Variants in WWOX observed in about 807,000 individuals in gnomAD.
WWOX encodes the protein WW domain-containing oxidoreductase.
WWOX carries 69 observed loss-of-function variants against 46.2 expected under a neutral mutation model. The observed-to-expected ratio is 1.49, with a 90% CI of 1.23 to 1.82. The LOEUF is 1.82. Ranked by LOEUF, WWOX falls within the 40% of genes most tolerant of loss-of-function variation. WWOX has a pLI of 0.00. For missense variants in WWOX, 919 were observed against 542.6 expected, an observed-to-expected ratio of 1.69 and a Z score of -6.89; for synonymous variants, 359 against 202.6, an observed-to-expected ratio of 1.77 and a Z score of -6.56.
At chr16:78,133,207 C>A (rs2033664439) in intron 4 of WWOX, among the ~76,000 whole-genome samples, 1 of 152,024 alleles carries the variant, frequency 6.6e-6, no homozygotes. Context: ...TTTAAAAAAC[C>A]TTATCCGCGT....
At chr16:78,709,236 A>G (rs774850733) in intron 8 of WWOX, among the ~76,000 whole-genome samples, 2 of 152,194 alleles carry the variant, frequency 1.3e-5, no homozygotes, top group Non-Finnish European at 2.9e-5. Flanking sequence ...TGTTAACACA[A>G]TGCTTTTATC....
intron 8 of WWOX, among the ~76,000 whole-genome samples, chr16:78,583,692 G>A (rs563736400): frequency 6.6e-6 from 1 of 152,296 alleles, no homozygotes; most frequent in African/African-American, 2.4e-5. Flanking sequence ...GGGGTTGCTT[G>A]GCCCAGGAAC....
At chr16:78,387,598 G>C (rs1277184554) in intron 6 of WWOX, among the ~76,000 whole-genome samples, 2 of 152,064 alleles carry the variant, frequency 1.3e-5, no homozygotes, top group African/African-American at 2.4e-5. Flanking sequence ...GGGGTGGGGA[G>C]ACAGAGAGAC....
chr16:78,851,941 C>G (rs1006901045), intron 8 of WWOX, among the ~76,000 whole-genome samples: 3 of 152,160 alleles, frequency 2.0e-5, no homozygotes, highest in Admixed American at 6.5e-5. Flanking sequence ...GCTAAAGCCT[C>G]TTGGTTTCTG....
intron 8 of WWOX, among the ~76,000 whole-genome samples, chr16:78,499,257 A>G (rs1010333669): frequency 2.0e-5 from 3 of 152,048 alleles, no homozygotes; most frequent in Non-Finnish European, 2.9e-5. Context: ...GGTGGTGGAA[A>G]GGCAGCAAGC....
rs916321971 is a variant in WWOX at position 78,948,684 on chromosome 16, G to C, written c.1057-262924G>C. Among the ~76,000 whole-genome samples the C allele has an allele frequency of 3.9e-5, 6 of 152,160 alleles. No individual in the cohort carries two copies. In the South Asian group the frequency reaches 1.2e-3, roughly 32 times the overall value. On this transcript the variant is annotated intron_variant, in intron 8 of 8. Coordinates refer to ENST00000566780, the MANE Select transcript of WWOX (RefSeq NM_016373.4). ...CAGTTCCAGCCCCTATGTCAGGGGA[G>C]CCACTTTTGGGGCTGGTGGTAGGCA...
At position 78,674,808 on chromosome 16, in the gene WWOX, G is replaced by A. The variant is rs2047553005; in HGVS notation, c.1056+242056G>A. On this transcript the variant is annotated intron_variant, in intron 8 of 8. Coordinates refer to ENST00000566780, the MANE Select transcript of WWOX (RefSeq NM_016373.4). ...TCCCATATATTTTTAAACAATTACT[G>A]TATCTGATTTTTCATTTTTCATTTT... Among the ~76,000 whole-genome samples the A allele has an allele frequency of 4.0e-5, 6 of 149,510 alleles. No individual in the cohort carries two copies. In the Admixed American group the frequency reaches 4.1e-4, roughly 10 times the overall value.
intron 8 of WWOX, among the ~76,000 whole-genome samples, chr16:78,932,081 T>G (rs566821083): frequency 2.0e-5 from 3 of 152,228 alleles, no homozygotes; most frequent in African/African-American, 7.2e-5. Flanking sequence ...TAAACCTCTT[T>G]CCTTTATAAA....
At chr16:78,374,824 A>G (rs1321885029) in intron 5 of WWOX, among the ~76,000 whole-genome samples, 2 of 151,984 alleles carry the variant, frequency 1.3e-5, no homozygotes, top group African/African-American at 4.8e-5. Flanking sequence ...TGCTAAGATT[A>G]CAGGCACGAG....
At chr16:79,099,314 G>C (rs1422887861) in intron 8 of WWOX, among the ~76,000 whole-genome samples, 2 of 152,172 alleles carry the variant, frequency 1.3e-5, no homozygotes, top group Admixed American at 6.5e-5. Context: ...CCAAACCATA[G>C]TGACTATGAT....
At chr16:78,872,064 C>T (rs1003879157) in intron 8 of WWOX, among the ~76,000 whole-genome samples, 2 of 152,206 alleles carry the variant, frequency 1.3e-5, no homozygotes, top group South Asian at 2.1e-4. Flanking sequence ...CCCTTCTAAC[C>T]AGTGTTTGAA....
chr16:78,635,499 T>C (rs2046545789), intron 8 of WWOX, among the ~76,000 whole-genome samples: 1 of 152,146 alleles, frequency 6.6e-6, no homozygotes, highest in South Asian at 2.1e-4. Context: ...TGGGTTCATA[T>C]CCTGGCTGGG....
chr16:79,084,106 G>A (rs1180883937), intron 8 of WWOX, among the ~76,000 whole-genome samples: 1 of 152,254 alleles, frequency 6.6e-6, no homozygotes, highest in East Asian at 1.9e-4. Context: ...GAGAAACCAG[G>A]GAGAAACAGG....
At chr16:78,238,825 G>A (rs1424369055) in intron 5 of WWOX, among the ~76,000 whole-genome samples, 1 of 151,858 alleles carries the variant, frequency 6.6e-6, no homozygotes, top group Non-Finnish European at 1.5e-5. Context: ...CTCCATTTTG[G>A]TCAGGCTGGT....
At chr16:78,728,240 T>C (rs1373555080) in intron 8 of WWOX, among the ~76,000 whole-genome samples, 2 of 151,766 alleles carry the variant, frequency 1.3e-5, no homozygotes, top group African/African-American at 4.8e-5. Flanking sequence ...GATTTTTGTA[T>C]TTTTTGTAGA....
chr16:78,860,886 G>T (rs138209610), intron 8 of WWOX, among the ~76,000 whole-genome samples: 3 of 152,170 alleles, frequency 2.0e-5, no homozygotes, highest in Non-Finnish European at 4.4e-5. Context: ...ACCCAGGCTA[G>T]AGTGCAGTGG....
In WWOX at chr16:78,131,399, G is replaced by T. The variant is rs2033587460; in HGVS notation, c.409+16245G>T. Reference sequence around the variant, plus strand: ...GCTAATTTCTTTTGTATTTTTAATAGAGATGAGGTCTTGCTATGTTGCCCA... The same window carrying T: ...GCTAATTTCTTTTGTATTTTTAATATAGATGAGGTCTTGCTATGTTGCCCA... On this transcript the variant is annotated intron_variant, in intron 4 of 8. Transcript: ENST00000566780. 2.0e-5 allele frequency among the ~76,000 whole-genome samples: 3 copies of T among 151,966 alleles called. No individual in the cohort carries two copies. In the South Asian group the frequency reaches 6.2e-4, roughly 32 times the overall value.
In WWOX at chr16:78,540,015, C is replaced by G. The variant is rs1002984819; in HGVS notation, c.1056+107263C>G. On this transcript the variant is annotated intron_variant, in intron 8 of 8. Coordinates refer to ENST00000566780, the MANE Select transcript of WWOX (RefSeq NM_016373.4). The stretch of plus-strand genomic sequence containing the variant: ...TCTCTCTTTCTCTCTCTCTCTCTCT[C>G]TCTCTCACACACACACACACACACA... 5.3e-5 allele frequency among the ~76,000 whole-genome samples: 7 copies of G among 130,986 alleles called. No individual in the cohort carries two copies. In the East Asian group the frequency reaches 1.2e-3, roughly 22 times the overall value. 85.9% of individuals were successfully genotyped at this position (130,986 alleles called of 152,430 possible).
At chr16:78,332,403 G>T (rs535750655) in intron 5 of WWOX, among the ~76,000 whole-genome samples, 1 of 152,148 alleles carries the variant, frequency 6.6e-6, no homozygotes. Flanking sequence ...CTGAGGGCAC[G>T]GGACACTCCT....
Sources: allele counts gnomAD v4.1 joint callset (sites outside exome capture counted in the v4.1 genomes callset), GRCh38; gene constraint gnomAD v4.1.1; transcripts MANE v1.5; gene names NCBI Gene and HGNC (gene_info 2026-07-23, HGNC 2026-07-21).